Variants in OR1B1 observed in about 807,000 individuals in gnomAD.
OR1B1 encodes olfactory receptor family 1 subfamily B member 1.
For missense variants in OR1B1, 414 were observed against 402.1 expected (o/e 1.03, Z -0.25); for synonymous variants, 168 against 156.2 (o/e 1.08, Z -0.57).
chr9:122,640,285 T>C, the OR1B1 span, among the ~76,000 whole-genome samples: 2 of 152,124 alleles, frequency 1.3e-5, no homozygotes, highest in East Asian at 3.9e-4. Flanking sequence ...TCTATATATT[T>C]TCCTTACTTC....
At chr9:122,629,148 C>T in exon 1 of OR1B1, 2 of 1,613,984 alleles carry the variant, frequency 1.2e-6, no homozygotes, top group Non-Finnish European at 1.7e-6. Context: ...TGCAGGGGGT[C>T]ACAGATGGCC....
the OR1B1 span, among the ~76,000 whole-genome samples, chr9:122,648,463 G>T: frequency 6.6e-6 from 1 of 152,148 alleles, no homozygotes; most frequent in Non-Finnish European, 1.5e-5. Flanking sequence ...CACAGAATGG[G>T]CAAAAGCTGG....
At chr9:122,645,138 T>C in the OR1B1 span, among the ~76,000 whole-genome samples, 1 of 151,944 alleles carries the variant, frequency 6.6e-6, no homozygotes, top group Non-Finnish European at 1.5e-5. Context: ...AAAAATACAA[T>C]CCACATGCTG....
chr9:122,652,699 GT>G, the OR1B1 span, among the ~76,000 whole-genome samples: 7 of 149,412 alleles, frequency 4.7e-5, no homozygotes, highest in South Asian at 4.3e-4. Flanking sequence ...GTTTGTTGTT[GT>G]TTTTTTTTCA....
the OR1B1 span, among the ~76,000 whole-genome samples, chr9:122,647,255 A>T: frequency 6.6e-6 from 1 of 152,230 alleles, no homozygotes; most frequent in East Asian, 1.9e-4. Flanking sequence ...TTCTCTGGCC[A>T]CAATGGAATA....
At chr9:122,656,272 C>G in the OR1B1 span, among the ~76,000 whole-genome samples, 4 of 152,238 alleles carry the variant, frequency 2.6e-5, no homozygotes, top group African/African-American at 7.2e-5. Context: ...AGATATTATA[C>G]ATAGACAAAG....
the OR1B1 span, among the ~76,000 whole-genome samples, chr9:122,637,487 T>G: frequency 6.6e-6 from 1 of 152,172 alleles, no homozygotes; most frequent in Non-Finnish European, 1.5e-5. Context: ...GGTGGAATGA[T>G]TTTCAAGATG....
exon 1 of OR1B1, chr9:122,628,699 C>G: frequency 3.1e-6 from 5 of 1,613,756 alleles, no homozygotes; most frequent in Non-Finnish European, 4.2e-6. Flanking sequence ...TTACTGAAGC[C>G]ACCATGTCCT....
At position 122,628,609 on chromosome 9, in the gene OR1B1, C is replaced by A. The variant is rs751377189; in HGVS notation, c.927G>T (p.Arg309Ser). ...GGTCTACCTTCACCCATTCAAGCAG[C>A]CTGCAGAGTGCACCCTTGACATCCT... The change falls in exon 1 of 1, where the codon AGG becomes AGT. Residue 309 changes from arginine (R) to serine (S), a missense_variant. Coordinates refer to ENST00000623530, the Ensembl canonical transcript of OR1B1. The A allele has an allele frequency of 2.5e-6, 4 of 1,613,142 alleles. No individual in the cohort carries two copies. The Admixed American group carries it at 5.0e-5, about 20-fold the overall frequency.
the OR1B1 span, among the ~76,000 whole-genome samples, chr9:122,635,169 A>C: frequency 6.6e-6 from 1 of 152,334 alleles, no homozygotes; most frequent in Admixed American, 6.5e-5. Flanking sequence ...AAATTGTGGA[A>C]TATTATTTAG....
chr9:122,635,095 A>G, the OR1B1 span, among the ~76,000 whole-genome samples: 323 of 152,354 alleles, frequency 2.1e-3, 1 homozygote, highest in Non-Finnish European at 3.4e-3. Context: ...TCACTGCAGC[A>G]TTATTCACAA....
At chr9:122,631,181 C>CTT (rs567689055), upstream of OR1B1, among the ~76,000 whole-genome samples, 6 of 146,468 alleles carry the variant, frequency 4.1e-5, no homozygotes, top group African/African-American at 1.0e-4. Context: ...AATAATCATA[C>CTT]TTTTTTTTTT....
At chr9:122,653,300 G>T in the OR1B1 span, among the ~76,000 whole-genome samples, 1 of 152,182 alleles carries the variant, frequency 6.6e-6, no homozygotes, top group Admixed American at 6.5e-5. Context: ...ATGAAAGGAA[G>T]TATAGCTTCA....
chr9:122,636,925 A>G, the OR1B1 span, among the ~76,000 whole-genome samples: 1 of 152,360 alleles, frequency 6.6e-6, no homozygotes, highest in African/African-American at 2.4e-5. Flanking sequence ...AAAGGAGAAC[A>G]TATTCCGTTA....
chr9:122,633,592 T>C (rs1038245859), upstream of OR1B1, among the ~76,000 whole-genome samples: 1 of 152,100 alleles, frequency 6.6e-6, no homozygotes, highest in African/African-American at 2.4e-5. Flanking sequence ...TAAAAACTTA[T>C]ACTCAATAGC....
chr9:122,648,598 C>T, the OR1B1 span, among the ~76,000 whole-genome samples: 29 of 152,224 alleles, frequency 1.9e-4, no homozygotes, highest in African/African-American at 6.3e-4. Context: ...CATTCCTATA[C>T]GTCAATAACA....
the OR1B1 span, among the ~76,000 whole-genome samples, chr9:122,655,497 A>C: frequency 6.6e-6 from 1 of 152,214 alleles, no homozygotes; most frequent in Non-Finnish European, 1.5e-5. Flanking sequence ...AATACTATGC[A>C]GCCATAAAAA....
chr9:122,654,147 C>G, the OR1B1 span, among the ~76,000 whole-genome samples: 1 of 152,104 alleles, frequency 6.6e-6, no homozygotes, highest in Non-Finnish European at 1.5e-5. Flanking sequence ...AATTATGTAC[C>G]TAATGGAGCT....
upstream of OR1B1, among the ~76,000 whole-genome samples, chr9:122,632,639 T>G (rs1830214192): frequency 6.6e-6 from 1 of 152,178 alleles, no homozygotes. Flanking sequence ...TCCTCATAGC[T>G]TAGCTCCTAC....
Sources: allele counts gnomAD v4.1 joint callset (sites outside exome capture counted in the v4.1 genomes callset), GRCh38; gene constraint gnomAD v4.1.1; transcripts MANE v1.5; gene names NCBI Gene and HGNC (gene_info 2026-07-23, HGNC 2026-07-21).